The following KYAT3 variants were observed in gnomAD, a reference collection of about 807,000 sequenced individuals.
The protein encoded by KYAT3 is kynurenine--oxoglutarate transaminase 3.
KYAT3 carries 50 observed loss-of-function variants against 59.0 expected under a neutral mutation model. The ratio of observed to expected loss-of-function variants is 0.85; its 90% confidence interval spans 0.68 to 1.07. The LOEUF is 1.07. KYAT3 is among the 50% of genes least tolerant of loss of function. The probability of loss-of-function intolerance (pLI) is 0.00; values close to 1 mark genes in which losing one functional copy is unlikely to be tolerated. For synonymous variants in KYAT3, 148 were observed against 177.0 expected, an observed-to-expected ratio of 0.84 and a Z score of 1.30; for missense variants, 497 against 533.3, an observed-to-expected ratio of 0.93 and a Z score of 0.67.
the KYAT3 span, among the ~76,000 whole-genome samples, chr1:88,925,438 C>T: frequency 2.0e-5 from 3 of 151,862 alleles, no homozygotes; most frequent in East Asian, 3.9e-4. Flanking sequence ...CTTTCATTTC[C>T]TCTAGCAAGC....
chr1:88,935,986 A>G lies in KYAT3; in HGVS notation c.*197T>C. On this transcript the variant is annotated 3_prime_UTR_variant, in exon 14 of 14. Transcript: ENST00000260508. The stretch of plus-strand genomic sequence containing the variant: ...TAAAATGATTGTGGAAGGTGTGTTA[A>G]TACATTTCAACTGGAAAAAAAAGGT... The G allele has an allele frequency of 2.0e-6, 1 of 505,664 alleles. No individual in the cohort carries two copies. The highest frequency in any genetic ancestry group is 3.6e-6 in the Non-Finnish European group (1 of 280,268). The allele number at this position is 505,664 out of a possible 1,614,324, so 31.3% of individuals were successfully genotyped here. A position where few individuals can be genotyped will look rare whatever the true frequency, so the allele number is the denominator to read the frequency against.
At position 88,955,360 on chromosome 1, in the gene KYAT3, GT is replaced by G. The variant is rs200621884; in HGVS notation, c.788-136del. The G allele has an allele frequency of 3.6e-3, 1,724 of 476,498 alleles. 1 individual carries two copies. The highest frequency in any genetic ancestry group is 0.01 in the African/African-American group (492 of 48,818). 29.5% of individuals were successfully genotyped at this position (476,498 alleles called of 1,614,324 possible). On this transcript the variant is annotated intron_variant, in intron 8 of 13. Coordinates refer to ENST00000260508, the MANE Select transcript of KYAT3 (RefSeq NM_001008661.3). Reference sequence around the variant, plus strand: ...AATTTAGCCAGTATAGTTATTTCTAGTTTTTTTTTTAGATAATGTAACTTTA... The same window carrying G: ...AATTTAGCCAGTATAGTTATTTCTAGTTTTTTTTTAGATAATGTAACTTTA...
At chr1:88,983,689 G>C in intron 2 of KYAT3, 1 of 1,613,830 alleles carries the variant, frequency 6.2e-7, no homozygotes, top group South Asian at 1.1e-5. Context: ...CTCTTGATTT[G>C]TTGGTTTCAC....
chr1:88,938,556 C>T (rs565365898), intron 13 of KYAT3, among the ~76,000 whole-genome samples: 1 of 152,184 alleles, frequency 6.6e-6, no homozygotes, highest in South Asian at 2.1e-4. Flanking sequence ...CTCAAGGAGG[C>T]CCCAGTGTCT....
chr1:88,939,721 A>G (rs1256551541), intron 13 of KYAT3, among the ~76,000 whole-genome samples: 2 of 152,000 alleles, frequency 1.3e-5, no homozygotes, highest in Non-Finnish European at 2.9e-5. Context: ...ACTTATCTCC[A>G]TCCTTAATGT....
chr1:88,987,299 C>T lies in KYAT3; in HGVS notation c.99+953G>A, dbSNP rs568520639. On this transcript the variant is annotated intron_variant, in intron 2 of 13. Coordinates refer to ENST00000260508, the MANE Select transcript of KYAT3 (RefSeq NM_001008661.3). ...GCACAACCACTTCCCTGGCTTCAAC[C>T]GACTTCTATGTTGGGAGAGGGCCTG... Among the ~76,000 whole-genome samples the T allele has an allele frequency of 1.6e-4, 24 of 152,060 alleles. No individual in the cohort carries two copies. In the South Asian group the frequency reaches 3.1e-3, roughly 20 times the overall value.
chr1:88,943,164 C>T (rs747881771), intron 12 of KYAT3, 73 bp from the exon 13 acceptor site: 2 of 1,164,746 alleles, frequency 1.7e-6, no homozygotes, highest in Non-Finnish European at 2.5e-6. Flanking sequence ...ACTACAGATA[C>T]TAGAGGCAAC....
Position 88,955,239 on chromosome 1 carries a change from GA to G in KYAT3, c.788-15del. On this transcript the variant is annotated splice_polypyrimidine_tract_variant and intron_variant, in intron 8 of 13. Transcript: ENST00000260508. ...CTGGAAAAGTAGCTAAACAGAGGAGGAAAAAAGGGTAAATATTGTTTTCCAA... is the reference window on the plus strand; with the variant it reads ...CTGGAAAAGTAGCTAAACAGAGGAGGAAAAAGGGTAAATATTGTTTTCCAA... 13 of 1,499,368 alleles carry G rather than the reference GA, an allele frequency of 8.7e-6. No homozygotes were observed. The highest frequency in any genetic ancestry group is 2.3e-5 in the South Asian group (2 of 86,996). 92.9% of individuals were successfully genotyped at this position (1,499,368 alleles called of 1,614,324 possible).
At chr1:88,950,536 T>C (rs1675627559) in intron 10 of KYAT3, among the ~76,000 whole-genome samples, 1 of 151,984 alleles carries the variant, frequency 6.6e-6, no homozygotes, top group Non-Finnish European at 1.5e-5. Flanking sequence ...TCATTTACTA[T>C]AGGAGATACT....
rs147147156 is a variant in KYAT3, at chr1:88,961,403, G to C, written c.644C>G (p.Thr215Ser). The C allele has an allele frequency of 6.2e-7, 1 of 1,613,954 alleles. No homozygotes were observed. Among genetic ancestry groups the C allele is most frequent in the Non-Finnish European group, 8.5e-7 (1 of 1,179,880 alleles). ...TACCTTGCCAAGTGGGTTATGTGGA[G>C]TATTTAGTATAATAGCTTTGGTTTT... is the stretch of plus-strand genomic sequence containing the variant. ...NSKTKAIILN[T>S]PHNPLGKVYN... Residue 215 changes from threonine to serine, a missense_variant, in exon 7 of 14, where the codon ACT becomes AGT. Around this residue, in one of 2 missense-constraint regions of KYAT3, gnomAD observed 469 missense variants for 479.1 expected, o/e 0.98. Transcript: ENST00000260508.
intron 13 of KYAT3, among the ~76,000 whole-genome samples, chr1:88,940,270 C>T (rs1675187128): frequency 6.6e-6 from 1 of 152,046 alleles, no homozygotes; most frequent in Non-Finnish European, 1.5e-5. Flanking sequence ...TGGGGTTTCA[C>T]CATGTTGGCC....
At chr1:88,963,721 A>G (rs777328325) in intron 5 of KYAT3, among the ~76,000 whole-genome samples, 1 of 152,204 alleles carries the variant, frequency 6.6e-6, no homozygotes, top group Non-Finnish European at 1.5e-5. Flanking sequence ...AACATCTTCT[A>G]TCTCACAGTG....
the KYAT3 span, among the ~76,000 whole-genome samples, chr1:88,929,581 T>C: frequency 1.3e-5 from 2 of 152,226 alleles, no homozygotes; most frequent in Non-Finnish European, 2.9e-5. Context: ...CTGGACCCTC[T>C]TGTCCTTTGG....
chr1:88,990,255 T>C (rs1194142321), intron 1 of KYAT3, among the ~76,000 whole-genome samples: 1 of 107,428 alleles, frequency 9.3e-6, no homozygotes, highest in Non-Finnish European at 1.7e-5. Context: ...CAACTTTGTT[T>C]GTCTCTCCCG....
chr1:88,943,272 T>G lies in KYAT3; in HGVS notation c.1215+78A>C, dbSNP rs975361251. 3 of 1,044,788 alleles carry G rather than the reference T, an allele frequency of 2.9e-6. No individual in the cohort carries two copies. The African/African-American group carries it at 4.9e-5, about 17-fold the overall frequency. 64.7% of individuals were successfully genotyped at this position (1,044,788 alleles called of 1,614,324 possible). On this transcript the variant is annotated intron_variant, in intron 12 of 13. Coordinates refer to ENST00000260508, the MANE Select transcript of KYAT3 (RefSeq NM_001008661.3). Reference sequence around the variant, plus strand: ...ATAACAACATTACATTTGATCGATTTCAAAGCATACCAGCAGATTTCCTTC... The same window carrying G: ...ATAACAACATTACATTTGATCGATTGCAAAGCATACCAGCAGATTTCCTTC...
At chr1:88,983,967 C>T (rs1398606196) in intron 2 of KYAT3, 22 of 917,286 alleles carry the variant, frequency 2.4e-5, no homozygotes, top group Non-Finnish European at 3.8e-5. Flanking sequence ...AGCACTACTG[C>T]GCAATCTGGA....
At chr1:88,988,556 A>G (rs2101100527) in intron 1 of KYAT3, among the ~76,000 whole-genome samples, 1 of 152,348 alleles carries the variant, frequency 6.6e-6, no homozygotes, top group South Asian at 2.1e-4. Flanking sequence ...TATTCTTCCT[A>G]CACAAATTTA....
the KYAT3 span, among the ~76,000 whole-genome samples, chr1:88,926,783 G>A: frequency 6.6e-6 from 1 of 152,150 alleles, no homozygotes; most frequent in African/African-American, 2.4e-5. Context: ...AGTACTTACA[G>A]AATCAAAAAA....
At chr1:88,927,538 C>T in the KYAT3 span, among the ~76,000 whole-genome samples, 1,379 of 152,122 alleles carry the variant, frequency 9.1e-3, 20 homozygotes, top group African/African-American at 0.032. Context: ...TACCTCCCTA[C>T]CCCAGTGTCC....
Sources: gnomAD v4.1 joint callset for allele counts (sites outside exome capture counted in the v4.1 genomes callset) on GRCh38, gnomAD v4.1.1 for gene constraint, gnomAD v4.1.1 regional missense constraint, MANE v1.5 for transcripts, NCBI Gene and HGNC (gene_info 2026-07-23, HGNC 2026-07-21) for gene names.